The following TENM2 variants were observed in gnomAD, a reference collection of about 807,000 sequenced individuals.
The protein encoded by TENM2 is teneurin transmembrane protein 2.
A neutral mutation model predicts 245.2 loss-of-function variants in TENM2; 52 were observed. The observed-to-expected ratio is 0.21, with a 90% CI of 0.17 to 0.27. TENM2 has a LOEUF of 0.27. TENM2 is among the 10% of genes least tolerant of loss of function. TENM2 has a pLI of 1.00. For missense variants in TENM2, 3,046 were observed against 3,666.8 expected (o/e 0.83, Z 4.37); for synonymous variants, 1,363 against 1,438.9 (o/e 0.95, Z 1.19).
chr5:168,206,056 G>A (rs1198258305), intron 19 of TENM2, among the ~76,000 whole-genome samples: 3 of 152,186 alleles, frequency 2.0e-5, no homozygotes, highest in South Asian at 4.1e-4. Flanking sequence ...TATAAGGAAC[G>A]AACAAAGACA....
chr5:167,965,014 G>T (rs574714063), intron 4 of TENM2, among the ~76,000 whole-genome samples: 4 of 152,284 alleles, frequency 2.6e-5, no homozygotes, highest in Non-Finnish European at 5.9e-5. Flanking sequence ...CAAGACTAAA[G>T]GTCCAGTTTG....
At chr5:167,867,398 T>C (rs1280972721) in intron 2 of TENM2, among the ~76,000 whole-genome samples, 1 of 152,196 alleles carries the variant, frequency 6.6e-6, no homozygotes, top group East Asian at 1.9e-4. Flanking sequence ...GCATAGGGTC[T>C]CAAACTGTGA....
chr5:167,028,201 G>A, the TENM2 span, among the ~76,000 whole-genome samples: 1 of 151,616 alleles, frequency 6.6e-6, no homozygotes, highest in Admixed American at 6.6e-5. Flanking sequence ...AATTTTTTAT[G>A]GTGGCCCAAG....
intron 2 of TENM2, among the ~76,000 whole-genome samples, chr5:167,809,747 A>C (rs958155505): frequency 6.6e-6 from 1 of 152,110 alleles, no homozygotes; most frequent in Non-Finnish European, 1.5e-5. Flanking sequence ...GATTTTGGGG[A>C]CAGGTGTACC....
intron 2 of TENM2, among the ~76,000 whole-genome samples, chr5:167,661,698 T>C (rs1373092587): frequency 3.3e-5 from 5 of 152,196 alleles, no homozygotes; most frequent in African/African-American, 1.2e-4. Flanking sequence ...TTAGAAGATA[T>C]TGTTTCACTT....
At chr5:167,747,399 C>A (rs1454226849) in intron 2 of TENM2, among the ~76,000 whole-genome samples, 1 of 152,264 alleles carries the variant, frequency 6.6e-6, no homozygotes, top group Non-Finnish European at 1.5e-5. Flanking sequence ...TATATCAATT[C>A]TCCATTTCCC....
At chr5:167,246,749 G>A in the TENM2 span, among the ~76,000 whole-genome samples, 1 of 151,936 alleles carries the variant, frequency 6.6e-6, no homozygotes, top group African/African-American at 2.4e-5. Flanking sequence ...TTATATGTTA[G>A]GGGGTAGTTT....
the TENM2 span, among the ~76,000 whole-genome samples, chr5:167,095,578 GT>G: frequency 2.0e-5 from 3 of 152,052 alleles, no homozygotes; most frequent in Non-Finnish European, 4.4e-5. Flanking sequence ...GAGTATCTGA[GT>G]TTTTATTTTC....
chr5:167,775,157 G>A (rs1003162861), intron 2 of TENM2, among the ~76,000 whole-genome samples: 5 of 152,024 alleles, frequency 3.3e-5, no homozygotes, highest in South Asian at 2.1e-4. Flanking sequence ...TAGTAGAGAC[G>A]GGGTTTCTCC....
chr5:168,247,279 G>A lies in TENM2; in HGVS notation c.6340G>A (p.Val2114Ile), dbSNP rs201922736. The A allele has an allele frequency of 2.9e-4, 475 of 1,613,824 alleles. No individual in the cohort carries two copies. The highest frequency in any genetic ancestry group is 6.6e-4 in the Middle Eastern group (4 of 6,084). The change falls in exon 27 of 29, where the codon GTT becomes ATT. Residue 2114 changes from valine (V) to isoleucine (I), a missense_variant. Val to Ile is a conservative substitution (Grantham distance 29). This residue lies in a region of TENM2 where 2,704 missense variants were observed against 3,331.9 expected (regional missense o/e 0.81). Coordinates refer to ENST00000518659, the Ensembl canonical transcript of TENM2. The surrounding 1 kb of genome is among the most constrained non-coding windows in gnomAD (Gnocchi z 7.8). ...CGTCATAAGTGAGACTCCCCTCCCC[G>A]TTGACCTCTACCGCTATGATGAGAT...
At chr5:167,598,611 A>T (rs763701654) in intron 2 of TENM2, among the ~76,000 whole-genome samples, 2 of 152,168 alleles carry the variant, frequency 1.3e-5, no homozygotes, top group Non-Finnish European at 2.9e-5. Context: ...CATGAAAGTT[A>T]TGTGTGGAGT....
At chr5:168,067,282 C>T (rs151287960) in intron 7 of TENM2, among the ~76,000 whole-genome samples, 6 of 152,264 alleles carry the variant, frequency 3.9e-5, no homozygotes, top group African/African-American at 1.4e-4. Context: ...CTGGTACCCC[C>T]TAATGCTTTA....
At chr5:167,135,785 G>A in the TENM2 span, among the ~76,000 whole-genome samples, 1 of 151,902 alleles carries the variant, frequency 6.6e-6, no homozygotes, top group African/African-American at 2.4e-5. Context: ...AACAGAGCGA[G>A]ACTCCATCTC....
At chr5:167,132,310 G>C in the TENM2 span, among the ~76,000 whole-genome samples, 2 of 152,100 alleles carry the variant, frequency 1.3e-5, no homozygotes, top group African/African-American at 4.8e-5. Context: ...TCCCAAAGGT[G>C]ACCCCTATTC....
At chr5:167,090,728 CA>C in the TENM2 span, among the ~76,000 whole-genome samples, 1 of 152,158 alleles carries the variant, frequency 6.6e-6, no homozygotes, top group African/African-American at 2.4e-5. Flanking sequence ...TCACAAGGGA[CA>C]TCAATGCAAC....
chr5:168,120,902 T>C (rs1795423671), intron 10 of TENM2, among the ~76,000 whole-genome samples: 1 of 152,170 alleles, frequency 6.6e-6, no homozygotes, highest in Non-Finnish European at 1.5e-5. Context: ...TATTAACAAA[T>C]TTGCCCAAGA....
At chr5:167,626,163 C>T (rs1483848880) in intron 2 of TENM2, among the ~76,000 whole-genome samples, 2 of 152,132 alleles carry the variant, frequency 1.3e-5, no homozygotes, top group Non-Finnish European at 2.9e-5. Flanking sequence ...AAAACTACTA[C>T]ACCATATTTC....
chr5:167,267,303 C>G, the TENM2 span, among the ~76,000 whole-genome samples: 1 of 152,086 alleles, frequency 6.6e-6, no homozygotes, highest in Non-Finnish European at 1.5e-5. Context: ...TTTTCCATTT[C>G]CAGGGTTTAA....
the TENM2 span, among the ~76,000 whole-genome samples, chr5:167,035,303 G>A: frequency 6.6e-6 from 1 of 152,106 alleles, no homozygotes; most frequent in East Asian, 1.9e-4. Context: ...TATACACATT[G>A]GTTTGATGCT....
Sources: gnomAD v4.1 joint callset for allele counts (sites outside exome capture counted in the v4.1 genomes callset) on GRCh38, gnomAD v4.1.1 for gene constraint, gnomAD v4.1.1 regional missense constraint, Gnocchi (gnomAD v3.1) non-coding constraint, MANE v1.5 for transcripts, NCBI Gene and HGNC (gene_info 2026-07-23, HGNC 2026-07-21) for gene names.